Variants in PDE4D observed in about 807,000 individuals in gnomAD.
PDE4D encodes the protein 3',5'-cyclic-AMP phosphodiesterase 4D.
A neutral mutation model predicts 87.4 loss-of-function variants in PDE4D; 24 were observed. That is an observed-to-expected ratio of 0.27 (90% CI 0.20 to 0.39). PDE4D has a LOEUF of 0.39. PDE4D is among the 10% of genes least tolerant of loss of function. PDE4D has a pLI of 1.00. For missense variants in PDE4D, 714 were observed against 1,041.0 expected (o/e 0.69, Z 4.32); for synonymous variants, 384 against 383.2 (o/e 1.00, Z -0.02).
intron 1 of PDE4D, among the ~76,000 whole-genome samples, chr5:60,411,747 A>G (rs1372790271): frequency 6.6e-6 from 1 of 152,162 alleles, no homozygotes; most frequent in East Asian, 1.9e-4. Context: ...AGTGAAATTA[A>G]CCCTAAAGTT....
At chr5:59,605,691 G>A (rs1030213505) in intron 1 of PDE4D, among the ~76,000 whole-genome samples, 4 of 152,094 alleles carry the variant, frequency 2.6e-5, no homozygotes, top group African/African-American at 7.2e-5. Context: ...GGAGATGGGA[G>A]ACAGTGTCTT....
At chr5:60,271,359 G>C (rs1445474547) in intron 1 of PDE4D, among the ~76,000 whole-genome samples, 1 of 152,016 alleles carries the variant, frequency 6.6e-6, no homozygotes, top group Admixed American at 6.6e-5. Flanking sequence ...TATTTTTGTT[G>C]GTAATAGCTA....
intron 2 of PDE4D, among the ~76,000 whole-genome samples, chr5:60,174,121 G>A (rs927303298): frequency 1.3e-5 from 2 of 152,092 alleles, no homozygotes; most frequent in Non-Finnish European, 2.9e-5. Context: ...AGAGTTCTGT[G>A]ACTAAAAGTA....
chr5:59,928,275 G>A (rs1199885087), intron 3 of PDE4D, among the ~76,000 whole-genome samples: 1 of 152,166 alleles, frequency 6.6e-6, no homozygotes, highest in Non-Finnish European at 1.5e-5. Flanking sequence ...TGATGGAGAG[G>A]GAGTTTCAAC....
At chr5:59,651,034 T>A (rs1743377891) in intron 1 of PDE4D, among the ~76,000 whole-genome samples, 1 of 151,960 alleles carries the variant, frequency 6.6e-6, no homozygotes, top group Admixed American at 6.6e-5. Flanking sequence ...GGTGGGCGGA[T>A]CACGAGGTCA....
chr5:59,447,655 T>C (rs1452113237), intron 1 of PDE4D, among the ~76,000 whole-genome samples: 3 of 152,258 alleles, frequency 2.0e-5, no homozygotes, highest in African/African-American at 7.2e-5. Context: ...GCACAGAATG[T>C]ATGTAAAAAA....
chr5:60,273,676 G>T (rs1196878930), intron 1 of PDE4D, among the ~76,000 whole-genome samples: 1 of 152,146 alleles, frequency 6.6e-6, no homozygotes, highest in African/African-American at 2.4e-5. Flanking sequence ...AAGAGTGATA[G>T]AATCCACAGA....
intron 1 of PDE4D, among the ~76,000 whole-genome samples, chr5:60,330,265 G>A (rs1757202363): frequency 1.3e-5 from 2 of 152,266 alleles, no homozygotes; most frequent in South Asian, 4.1e-4. Flanking sequence ...TATGTACCAG[G>A]CATTGTGTTA....
At chr5:60,364,105 G>T (rs936614419) in intron 1 of PDE4D, among the ~76,000 whole-genome samples, 1 of 152,168 alleles carries the variant, frequency 6.6e-6, no homozygotes, top group Non-Finnish European at 1.5e-5. Flanking sequence ...ATAATAGAAA[G>T]CTAGTTCTAC....
At chr5:60,498,895 C>G (rs1488098664) in intron 1 of PDE4D, among the ~76,000 whole-genome samples, 1 of 152,146 alleles carries the variant, frequency 6.6e-6, no homozygotes, top group African/African-American at 2.4e-5. Flanking sequence ...CAAGGGCTAC[C>G]TATCCCATCT....
rs1228515590 is a variant in PDE4D at position 60,245,412 on chromosome 5, C to T, written c.-89-59725G>A. 3.3e-5 allele frequency among the ~76,000 whole-genome samples: 5 copies of T among 151,730 alleles called. No individual in the cohort carries two copies. In the East Asian group the frequency reaches 5.8e-4, roughly 18 times the overall value. On this transcript the variant is annotated intron_variant, in intron 1 of 16. Coordinates refer to the PDE4D transcript ENST00000502484. Reference sequence around the variant, plus strand: ...AATTAAAAATAGCACTACCATATGACCCAGCAATCCCACTCCTAGGTATAT... The same window carrying T: ...AATTAAAAATAGCACTACCATATGATCCAGCAATCCCACTCCTAGGTATAT...
chr5:60,066,158 T>G (rs1323213193), intron 2 of PDE4D, among the ~76,000 whole-genome samples: 1 of 152,308 alleles, frequency 6.6e-6, no homozygotes, highest in Non-Finnish European at 1.5e-5. Flanking sequence ...CTCATTGTGG[T>G]TTTGATTTGC....
chr5:60,336,428 T>C (rs1055935270), intron 1 of PDE4D, among the ~76,000 whole-genome samples: 35 of 152,196 alleles, frequency 2.3e-4, no homozygotes, highest in African/African-American at 8.4e-4. Context: ...TTCTTAAGGG[T>C]AGAACCCTAG....
chr5:59,040,948 AGTT>A (rs1759576028), intron 5 of PDE4D, among the ~76,000 whole-genome samples: 1 of 152,216 alleles, frequency 6.6e-6, no homozygotes, highest in South Asian at 2.1e-4. Flanking sequence ...CTTTTAAAGT[AGTT>A]GTTACATGTG....
At chr5:60,475,822 T>C (rs558022072) in intron 1 of PDE4D, among the ~76,000 whole-genome samples, 876 of 39,772 alleles carry the variant, frequency 0.022, 6 homozygotes, top group Non-Finnish European at 0.032. Context: ...ATCTGTTAAA[T>C]GAAAAAAAAA....
In PDE4D at chr5:60,341,753, G is replaced by T. The variant is rs188984461; in HGVS notation, c.-90+146189C>A. On this transcript the variant is annotated intron_variant, in intron 1 of 16. Transcript: ENST00000502484. ...CCAAGGCCAAAATTAACCTCAAAGAGTGTAGAGCCACATAAGGATGTACAA... is the reference window on the plus strand; with the variant it reads ...CCAAGGCCAAAATTAACCTCAAAGATTGTAGAGCCACATAAGGATGTACAA... Among the ~76,000 whole-genome samples the T allele has an allele frequency of 1.0e-3, 159 of 152,228 alleles. 1 individual carries two copies. Among genetic ancestry groups the T allele is most frequent in the Admixed American group, 5.2e-3 (80 of 15,278 alleles).
chr5:59,124,695 T>C (rs1038299144), intron 5 of PDE4D, among the ~76,000 whole-genome samples: 2 of 152,242 alleles, frequency 1.3e-5, no homozygotes, highest in Non-Finnish European at 2.9e-5. Context: ...GATGACTTTT[T>C]ATAACTACAA....
intron 1 of PDE4D, among the ~76,000 whole-genome samples, chr5:60,222,055 A>G (rs2149599253): frequency 6.6e-6 from 1 of 152,196 alleles, no homozygotes; most frequent in South Asian, 2.1e-4. Flanking sequence ...ACATACATAC[A>G]TCATACACTC....
intron 3 of PDE4D, among the ~76,000 whole-genome samples, chr5:59,901,923 AACACACACAC>A (rs59453461): frequency 0.039 from 5,302 of 134,264 alleles, 175 homozygotes; most frequent in African/African-American, 0.092. Flanking sequence ...CTTACATGCA[AACACACACAC>A]ACACACACAC....
Sources: allele counts gnomAD v4.1 joint callset (sites outside exome capture counted in the v4.1 genomes callset), GRCh38; gene constraint gnomAD v4.1.1; transcripts MANE v1.5; gene names NCBI Gene and HGNC (gene_info 2026-07-23, HGNC 2026-07-21).